SGTB: variants seen among roughly 807,000 people sequenced by gnomAD.
SGTB encodes small glutamine rich tetratricopeptide repeat co-chaperone beta, also known as small glutamine-rich tetratricopeptide repeat-containing protein beta.
In SGTB, 19 loss-of-function variants were observed where a neutral mutation model predicts 43.9. That is an observed-to-expected ratio of 0.43 (90% CI 0.30 to 0.63). The LOEUF is 0.63. Ranked by LOEUF, SGTB falls within the 30% of genes least tolerant of loss-of-function variation. SGTB has a pLI of 0.12. For synonymous variants in SGTB, 116 were observed against 117.3 expected, an observed-to-expected ratio of 0.99 and a Z score of 0.07; for missense variants, 304 against 358.9, an observed-to-expected ratio of 0.85 and a Z score of 1.24.
chr5:65,720,571 T>A, intron 2 of SGTB, 137 bp downstream of exon 2: 5 of 912,694 alleles, frequency 5.5e-6, no homozygotes, highest in Non-Finnish European at 7.9e-6. Context: ...TACGATAACC[T>A]TATAGTCAGG....
rs1328818739 is a variant in SGTB at position 65,667,168 on chromosome 5, A to C, written c.*3078T>G. 2 of 152,174 alleles carry C rather than the reference A, an allele frequency of 1.3e-5. No individual in the cohort carries two copies. Among genetic ancestry groups the C allele is most frequent in the Non-Finnish European group, 2.9e-5 (2 of 68,012 alleles). 9.4% of individuals were successfully genotyped at this position (152,174 alleles called of 1,614,324 possible). A position where few individuals can be genotyped will look rare whatever the true frequency, so the allele number is the denominator to read the frequency against. ...TTGTATCCTATAGGGAATCTGTTTC[A>C]TCTAAGTTGTTAAATATACAATCCT... On this transcript the variant is annotated 3_prime_UTR_variant, in exon 11 of 11. Coordinates refer to ENST00000381007, the MANE Select transcript of SGTB (RefSeq NM_019072.3).
intron 3 of SGTB, 29 bp from the exon 4 acceptor site, chr5:65,708,587 C>T: frequency 1.3e-6 from 2 of 1,567,132 alleles, no homozygotes; most frequent in East Asian, 4.5e-5. Context: ...CAATGCACTT[C>T]CCTTTAGCTA....
At chr5:65,712,819 T>C (rs1758068270) in intron 3 of SGTB, 142 bp downstream of exon 3, 5 of 495,978 alleles carry the variant, frequency 1.0e-5, no homozygotes, top group Non-Finnish European at 1.0e-5. Context: ...AGATACCCAA[T>C]TATATCCATA....
At chr5:65,704,437 T>C in intron 4 of SGTB, 59 bp from the exon 5 acceptor site, 1 of 1,250,360 alleles carries the variant, frequency 8.0e-7, no homozygotes, top group Non-Finnish European at 1.1e-6. Context: ...ACATACACTC[T>C]TATAGACACA....
chr5:65,706,759 G>A (rs1194474861), intron 4 of SGTB, among the ~76,000 whole-genome samples: 1 of 151,936 alleles, frequency 6.6e-6, no homozygotes, highest in African/African-American at 2.4e-5. Context: ...TTGAACCTGG[G>A]AGGCAGAGGT....
Position 65,699,168 on chromosome 5 carries a change from G to A in SGTB, c.374+5111C>T, listed in dbSNP as rs1757766180. ...GCCAATGAGTGGATAAAGAAGATGTGGTATATATGTATATACTATGGAATA... is the reference window on the plus strand; with the variant it reads ...GCCAATGAGTGGATAAAGAAGATGTAGTATATATGTATATACTATGGAATA... On this transcript the variant is annotated intron_variant, in intron 5 of 10. Coordinates refer to ENST00000381007, the MANE Select transcript of SGTB (RefSeq NM_019072.3). 2.0e-5 allele frequency among the ~76,000 whole-genome samples: 3 copies of A among 152,040 alleles called. No homozygotes were observed. In the South Asian group the frequency reaches 6.2e-4, roughly 31 times the overall value.
intron 8 of SGTB, among the ~76,000 whole-genome samples, chr5:65,677,350 C>T (rs1420725454): frequency 3.1e-5 from 3 of 98,184 alleles, no homozygotes; most frequent in African/African-American, 1.1e-4. Context: ...GCCTACCAAC[C>T]AAAAAAAAAA....
chr5:65,708,052 A>G (rs1344874701), intron 4 of SGTB, among the ~76,000 whole-genome samples: 1 of 152,250 alleles, frequency 6.6e-6, no homozygotes, highest in Non-Finnish European at 1.5e-5. Context: ...AAAATTTAAT[A>G]ATGTAGTAAT....
At chr5:65,703,210 A>G (rs1243658771) in intron 5 of SGTB, among the ~76,000 whole-genome samples, 1 of 152,214 alleles carries the variant, frequency 6.6e-6, no homozygotes. Flanking sequence ...TAAGTAAACT[A>G]AGGTATGTCT....
At chr5:65,676,114 C>T (rs1363628438) in intron 8 of SGTB, among the ~76,000 whole-genome samples, 3 of 152,240 alleles carry the variant, frequency 2.0e-5, no homozygotes, top group Admixed American at 6.5e-5. Flanking sequence ...CAAAGACACA[C>T]ATAGGCTCAA....
intron 5 of SGTB, among the ~76,000 whole-genome samples, chr5:65,701,345 G>A (rs1383991151): frequency 6.6e-6 from 1 of 152,010 alleles, no homozygotes; most frequent in Non-Finnish European, 1.5e-5. Context: ...AAATAGTAAT[G>A]CCAGTAACCA....
chr5:65,722,284 A>G, upstream of SGTB: 1 of 1,042,086 alleles, frequency 9.6e-7, no homozygotes, highest in Non-Finnish European at 1.3e-6. Context: ...GGCCGGCTCG[A>G]GACTCCCGGG....
At chr5:65,704,046 A>AAAAAAT (rs1554025712) in intron 5 of SGTB, among the ~76,000 whole-genome samples, 2 of 118,012 alleles carry the variant, frequency 1.7e-5, no homozygotes, top group South Asian at 2.6e-4. Context: ...AAAAAAAAAA[A>AAAAAAT]AAAAAATAAA....
intron 8 of SGTB, 90 bp downstream of exon 8, chr5:65,680,404 C>T (rs1757371703): frequency 4.3e-6 from 6 of 1,381,398 alleles, no homozygotes; most frequent in Admixed American, 3.9e-5. Flanking sequence ...ACCACCACCA[C>T]AAAAACTCAC....
At chr5:65,711,246 C>T (rs1039083690) in intron 3 of SGTB, among the ~76,000 whole-genome samples, 10 of 151,270 alleles carry the variant, frequency 6.6e-5, no homozygotes, top group Non-Finnish European at 1.2e-4. Context: ...TGTATTTTAA[C>T]GATAGTGAGC....
intron 5 of SGTB, among the ~76,000 whole-genome samples, chr5:65,687,860 C>G (rs1279310784): frequency 6.6e-6 from 1 of 152,180 alleles, no homozygotes; most frequent in South Asian, 2.1e-4. Flanking sequence ...CCTCCGTCTC[C>G]CAGGTTCAAG....
In SGTB at chr5:65,720,761, C is replaced by A. The variant is rs2150727122; in HGVS notation, c.47G>T (p.Arg16Leu). The A allele has an allele frequency of 1.2e-6, 2 of 1,613,878 alleles. No homozygotes were observed. Among genetic ancestry groups the A allele is most frequent in the Non-Finnish European group, 1.7e-6 (2 of 1,179,936 alleles). ...HLVYAVIRFL[R>L]EQSQMDTYTS... ...GTAAGTGTCCATCTGACTTTGTTCC[C>A]GTAAGAAACGAATAACTGCATAAAC... is the stretch of plus-strand genomic sequence containing the variant. Residue 16 changes from arginine (R) to leucine (L), a missense_variant, in exon 2 of 11, where the codon CGG (arginine) becomes CTG (leucine). Arg to Leu is a moderately radical substitution (Grantham distance 102). Transcript: ENST00000381007.
At chr5:65,692,920 GA>G (rs1324213819) in intron 5 of SGTB, among the ~76,000 whole-genome samples, 2 of 152,134 alleles carry the variant, frequency 1.3e-5, no homozygotes, top group East Asian at 3.9e-4. Context: ...GAAAGACAAA[GA>G]GAGGCCAGGT....
chr5:65,703,154 GA>G (rs199547596), intron 5 of SGTB, among the ~76,000 whole-genome samples: 1 of 151,678 alleles, frequency 6.6e-6, no homozygotes, highest in Non-Finnish European at 1.5e-5. Flanking sequence ...TGATAATATT[GA>G]AAAAAAATGG....
Sources: gnomAD v4.1 joint callset for allele counts (sites outside exome capture counted in the v4.1 genomes callset) on GRCh38, gnomAD v4.1.1 for gene constraint, MANE v1.5 for transcripts, NCBI Gene and HGNC (gene_info 2026-07-23, HGNC 2026-07-21) for gene names.